The following TMUB2 variants were observed in gnomAD, a reference collection of about 807,000 sequenced individuals.
TMUB2 encodes the protein transmembrane and ubiquitin like domain containing 2.
TMUB2 carries 19 observed loss-of-function variants against 20.2 expected under a neutral mutation model. The ratio of observed to expected loss-of-function variants is 0.94; its 90% CI spans 0.66 to 1.38. The LOEUF (loss-of-function observed/expected upper bound fraction) is 1.38, where lower values mean the gene tolerates loss of function less well. Among genes scored for constraint, TMUB2 ranks in the 40% most tolerant of loss-of-function variants. The pLI, the probability that TMUB2 is intolerant of heterozygous loss-of-function variation, is 0.00. For missense variants in TMUB2, 426 were observed against 402.5 expected (o/e 1.06, Z -0.50); for synonymous variants, 186 against 166.0 (o/e 1.12, Z -0.92).
chr17:44,188,692 TTCC>T (rs2054855981), intron 2 of TMUB2, among the ~76,000 whole-genome samples: 1 of 152,188 alleles, frequency 6.6e-6, no homozygotes, highest in Non-Finnish European at 1.5e-5. Context: ...GCAAAGATTT[TTCC>T]TCATTCACCA....
chr17:44,189,427 A>C lies in TMUB2; in HGVS notation c.441A>C (p.Gln147His). The C allele has an allele frequency of 6.2e-7, 1 of 1,614,088 alleles. No homozygotes were observed. The highest frequency in any genetic ancestry group is 8.5e-7 in the Non-Finnish European group (1 of 1,179,978). Residue 147 changes from glutamine to histidine, a missense_variant, in exon 3 of 4, where the codon CAA becomes CAC. By Grantham distance (24) the Gln-to-His change is conservative (BLOSUM62 0). Coordinates refer to ENST00000538716, the MANE Select transcript of TMUB2 (RefSeq NM_001076674.3). ...ACATCCAAGGCCTGCCCAAAAGACA[A>C]GCAGGTGCAGGCAGCAGCAGTCCAG... ...LLDIQGLPKR[Q>H]AGAGSSSPEA... is the part of the protein sequence containing the mutation.
Position 44,189,055 on chromosome 17 carries a change from C to G in TMUB2, c.69C>G (p.Leu23=). The change falls in exon 3 of 4, where the codon CTC becomes CTG. Residue 23 remains leucine, a synonymous_variant. Transcript: ENST00000538716. Reference sequence around the variant, plus strand: ...CTGCCAGCAGCCAGGCCATGGAGCTCTCTGATGTCACCCTCATTGAGGGTG... The same window carrying G: ...CTGCCAGCAGCCAGGCCATGGAGCTGTCTGATGTCACCCTCATTGAGGGTG... ...VDPASSQAME[L]SDVTLIEGVG... is the part of the protein sequence containing the mutation. The G allele has an allele frequency of 6.2e-7, 1 of 1,613,876 alleles. No homozygotes were observed. Among genetic ancestry groups the G allele is most frequent in the South Asian group, 1.1e-5 (1 of 91,072 alleles).
Position 44,191,536 on chromosome 17 carries a change from G to C in TMUB2, c.*672G>C. 1.0e-6 allele frequency: 1 copy of C among 986,062 alleles called. No individual in the cohort carries two copies. Among genetic ancestry groups the C allele is most frequent in the Non-Finnish European group, 1.2e-6 (1 of 830,114 alleles). The allele number at this position is 986,062 out of a possible 1,614,324, so 61.1% of individuals were successfully genotyped here. A position where few individuals can be genotyped will look rare whatever the true frequency, so the allele number is the denominator to read the frequency against. On this transcript the variant is annotated 3_prime_UTR_variant, in exon 4 of 4. Transcript: ENST00000538716. ...GCACCAAGCCAAGCCCCCAGCATTG[G>C]GAGCGGCCAGGCCACAGCTGCTGCT...
In TMUB2 at chr17:44,191,725, TCCTGCAG is replaced by T. The variant is rs1389339304; in HGVS notation, c.*865_*871del. On this transcript the variant is annotated 3_prime_UTR_variant, in exon 4 of 4. Transcript: ENST00000538716. ...GACTGAATAAAGTTCCATTTTGTGG[TCCTGCAG>T]CCTCTTTCTGTGACAGAGAATGGCT... 1.7e-5 allele frequency: 17 copies of T among 985,682 alleles called. No homozygotes were observed. The East Asian group carries it at 1.7e-3, about 99-fold the overall frequency. 61.1% of individuals were successfully genotyped at this position (985,682 alleles called of 1,614,324 possible). A position where few individuals can be genotyped will look rare whatever the true frequency, so the allele number is the denominator to read the frequency against.
In TMUB2 at chr17:44,190,672, C is replaced by G; in HGVS notation, c.774C>G (p.Pro258=). Residue 258 remains proline, a synonymous_variant, in exon 4 of 4, where the codon CCC becomes CCG. Coordinates refer to ENST00000538716, the MANE Select transcript of TMUB2 (RefSeq NM_001076674.3). ...AVPGPSASLA[P]SATEPPSLGV... is the part of the protein sequence containing the mutation. ...CAGGCCCCTCAGCCTCCTTGGCCCC[C>G]TCGGCCACTGAGCCACCCAGCCTTG... 2 of 1,614,236 alleles carry G rather than the reference C, an allele frequency of 1.2e-6. No individual in the cohort carries two copies. The highest frequency in any genetic ancestry group is 8.5e-7 in the Non-Finnish European group (1 of 1,180,042).
Position 44,189,048 on chromosome 17 carries a change from T to A in TMUB2, c.62T>A (p.Met21Lys). 1 of 1,613,148 alleles carries A rather than the reference T, an allele frequency of 6.2e-7. No individual in the cohort carries two copies. The highest frequency in any genetic ancestry group is 8.5e-7 in the Non-Finnish European group (1 of 1,179,424). Reference protein sequence around the residue: ...MSVDPASSQAMELSDVTLIEG... With the variant: ...MSVDPASSQAKELSDVTLIEG... ...GTGGACCCTGCCAGCAGCCAGGCCA[T>A]GGAGCTCTCTGATGTCACCCTCATT... The change falls in exon 3 of 4, where the codon ATG (methionine) becomes AAG (lysine). Residue 21 changes from methionine (M) to lysine (K), a missense_variant. Physicochemically the swap from Met to Lys is moderately conservative, Grantham distance 95. Transcript: ENST00000538716.
rs2054873280 is a variant in TMUB2 at position 44,188,783 on chromosome 17, T to G, written c.36-239T>G. Reference sequence around the variant, plus strand: ...TCCACACTCATTGGGAAGTTGGAGTTTGAGAGAGGAAGGTCACAGAACGTG... The same window carrying G: ...TCCACACTCATTGGGAAGTTGGAGTGTGAGAGAGGAAGGTCACAGAACGTG... On this transcript the variant is annotated intron_variant, in intron 2 of 3. Transcript: ENST00000538716. The G allele has an allele frequency of 9.9e-6, 5 of 504,676 alleles. No homozygotes were observed. In the South Asian group the frequency reaches 1.8e-4, roughly 18 times the overall value. 31.3% of individuals were successfully genotyped at this position (504,676 alleles called of 1,614,324 possible). A position where few individuals can be genotyped will look rare whatever the true frequency, so the allele number is the denominator to read the frequency against.
intron 3 of TMUB2, 90 bp from the exon 4 acceptor site, chr17:44,190,411 T>G: frequency 7.2e-7 from 1 of 1,390,306 alleles, no homozygotes; most frequent in Non-Finnish European, 9.5e-7. Flanking sequence ...CCTCCAGTTT[T>G]TCCCCACTCC....
chr17:44,190,374 A>AT (rs2055331477), intron 3 of TMUB2, 127 bp from the exon 4 acceptor site: 4 of 741,064 alleles, frequency 5.4e-6, no homozygotes, highest in Non-Finnish European at 2.0e-6. Flanking sequence ...AAAAAAAAGG[A>AT]TAAAGATGAG....
chr17:44,188,897 T>G, intron 2 of TMUB2, 125 bp from the exon 3 acceptor site: 1 of 1,422,728 alleles, frequency 7.0e-7, no homozygotes, highest in Non-Finnish European at 9.2e-7. Context: ...TTGTGCCCCC[T>G]TCTACACAAC....
chr17:44,188,597 G>A (rs1294628365), intron 2 of TMUB2, among the ~76,000 whole-genome samples: 2 of 152,154 alleles, frequency 1.3e-5, no homozygotes, highest in African/African-American at 2.4e-5. Context: ...AGGCTTTTGG[G>A]TCTCTCTGAA....
Position 44,191,475 on chromosome 17 carries a change from G to A in TMUB2, c.*611G>A. 1 of 983,864 alleles carries A rather than the reference G, an allele frequency of 1.0e-6. No homozygotes were observed. The highest frequency in any genetic ancestry group is 1.2e-6 in the Non-Finnish European group (1 of 830,132). The allele number at this position is 983,864 out of a possible 1,614,324, so 60.9% of individuals were successfully genotyped here. A position where few individuals can be genotyped will look rare whatever the true frequency, so the allele number is the denominator to read the frequency against. On this transcript the variant is annotated 3_prime_UTR_variant, in exon 4 of 4. Transcript: ENST00000538716. ...CTTGCATTTTATTTTATTTTTTTAA[G>A]AGTCCTTCATAGAGCTCAGTCAGGA...
At chr17:44,187,586 T>C in intron 1 of TMUB2, 90 bp from the exon 2 acceptor site, 1 of 683,164 alleles carries the variant, frequency 1.5e-6, no homozygotes, top group Non-Finnish European at 2.7e-6. Context: ...CTGTAAATCA[T>C]GGTTAATAAC....
Position 44,189,070 on chromosome 17 carries a change from C to T in TMUB2, c.84C>T (p.Leu28=), listed in dbSNP as rs1479717268. The T allele has an allele frequency of 1.1e-5, 17 of 1,613,898 alleles. No homozygotes were observed. Among genetic ancestry groups the T allele is most frequent in the East Asian group, 6.7e-5 (3 of 44,894 alleles). The change falls in exon 3 of 4, where the codon CTC becomes CTT. Residue 28 remains leucine, a synonymous_variant. Coordinates refer to ENST00000538716, the MANE Select transcript of TMUB2 (RefSeq NM_001076674.3). ...SQAMELSDVT[L]IEGVGNEVMV... is the part of the protein sequence containing the mutation. ...CCATGGAGCTCTCTGATGTCACCCT[C>T]ATTGAGGGTGTGGGTAATGAGGTGA...
chr17:44,189,225 A>C lies in TMUB2; in HGVS notation c.239A>C (p.His80Pro), dbSNP rs537870243. The C allele has an allele frequency of 6.2e-7, 1 of 1,613,416 alleles. No homozygotes were observed. Among genetic ancestry groups the C allele is most frequent in the South Asian group, 1.1e-5 (1 of 91,044 alleles). The part of the protein sequence containing the change: ...IVSAGDTSVL[H>P]LGHVDHLVAG... The stretch of plus-strand genomic sequence containing the variant: ...TCAGCAGGCGACACATCCGTCCTCC[A>C]CCTGGGGCATGTGGACCACCTGGTG... Residue 80 changes from histidine to proline, a missense_variant, in exon 3 of 4, where the codon CAC (histidine) becomes CCC (proline). Physicochemically the swap from His to Pro is moderately conservative, Grantham distance 77 (BLOSUM62 -2). Transcript: ENST00000538716.
At position 44,191,009 on chromosome 17, in the gene TMUB2, A is replaced by G; in HGVS notation, c.*145A>G. 1 of 1,472,934 alleles carries G rather than the reference A, an allele frequency of 6.8e-7. No homozygotes were observed. The highest frequency in any genetic ancestry group is 1.4e-5 in the South Asian group (1 of 71,154). The allele number at this position is 1,472,934 out of a possible 1,614,324, so 91.2% of individuals were successfully genotyped here. A position where few individuals can be genotyped will look rare whatever the true frequency, so the allele number is the denominator to read the frequency against. On this transcript the variant is annotated 3_prime_UTR_variant, in exon 4 of 4. Coordinates refer to ENST00000538716, the MANE Select transcript of TMUB2 (RefSeq NM_001076674.3). ...CCTCCATAGGACACAGGAGGCAAGTATGCGGCCTCCCCTTCTCATCCACAG... is the reference window on the plus strand; with the variant it reads ...CCTCCATAGGACACAGGAGGCAAGTGTGCGGCCTCCCCTTCTCATCCACAG...
chr17:44,188,317 T>C (rs1348413679), intron 2 of TMUB2, among the ~76,000 whole-genome samples: 1 of 152,194 alleles, frequency 6.6e-6, no homozygotes, highest in Non-Finnish European at 1.5e-5. Flanking sequence ...AAGGTGGTGC[T>C]TCTGGTGTCT....
Position 44,191,821 on chromosome 17 carries a change from A to C in TMUB2, c.*957A>C. On this transcript the variant is annotated 3_prime_UTR_variant, in exon 4 of 4. Transcript: ENST00000538716. ...GGCCGGGGCTACCAACGGGAGATGC[A>C]GTTTATTTACACCAGCAGCCATGGG... 1.2e-6 allele frequency: 1 copy of C among 808,838 alleles called. No homozygotes were observed. The highest frequency in any genetic ancestry group is 1.5e-6 in the Non-Finnish European group (1 of 668,842). The allele number at this position is 808,838 out of a possible 1,614,324, so 50.1% of individuals were successfully genotyped here.
chr17:44,190,612 T>A lies in TMUB2; in HGVS notation c.714T>A (p.Ile238=). The change falls in exon 4 of 4, where the codon ATT becomes ATA. Residue 238 remains isoleucine, a synonymous_variant. Transcript: ENST00000538716. The part of the protein sequence containing the change: ...RSLNITDNCV[I]HCHRSPPGSA... ...TGAACATTACCGACAACTGTGTGATTCACTGCCACCGCTCACCCCCAGGGT... is the reference window on the plus strand; with the variant it reads ...TGAACATTACCGACAACTGTGTGATACACTGCCACCGCTCACCCCCAGGGT... The A allele has an allele frequency of 6.2e-7, 1 of 1,614,192 alleles. No individual in the cohort carries two copies. Among genetic ancestry groups the A allele is most frequent in the South Asian group, 1.1e-5 (1 of 91,084 alleles).
Sources: gnomAD v4.1 joint callset for allele counts (sites outside exome capture counted in the v4.1 genomes callset) on GRCh38, gnomAD v4.1.1 for gene constraint, MANE v1.5 for transcripts, NCBI Gene and HGNC (gene_info 2026-07-23, HGNC 2026-07-21) for gene names.